The following PPP1R14C variants were observed in gnomAD, a reference collection of about 807,000 sequenced individuals.
PPP1R14C encodes the protein protein phosphatase 1 regulatory subunit 14C.
In PPP1R14C, 16 loss-of-function variants were observed where a neutral mutation model predicts 20.4. The observed-to-expected ratio is 0.78, with a 90% confidence interval of 0.53 to 1.19. The LOEUF (loss-of-function observed/expected upper bound fraction) is 1.19. Among genes scored for constraint, PPP1R14C ranks in the 50% most tolerant of loss-of-function variants. PPP1R14C has a pLI of 0.00. For synonymous variants in PPP1R14C, 91 were observed against 91.0 expected (o/e 1.00, Z 0.00); for missense variants, 211 against 220.1 (o/e 0.96, Z 0.26).
chr6:150,201,778 A>AG lies in PPP1R14C; in HGVS notation c.307-12960dup, dbSNP rs1161028619. ...TGCAAAAGATGATTTAGCTTTCACT[A>AG]GGGGGGCAGTGGAGGTGGTACAAAG... On this transcript the variant is annotated intron_variant, in intron 1 of 3. Transcript: ENST00000361131. This position sits in a 1 kb window ranked among gnomAD's most constrained non-coding sequence, Gnocchi z 4.2. 6.6e-6 allele frequency among the ~76,000 whole-genome samples: 1 copy of AG among 152,082 alleles called. No homozygotes were observed. Among genetic ancestry groups the AG allele is most frequent in the Non-Finnish European group, 1.5e-5 (1 of 68,004 alleles).
chr6:150,218,484 C>CA (rs1330651324), intron 3 of PPP1R14C, among the ~76,000 whole-genome samples: 58 of 118,468 alleles, frequency 4.9e-4, no homozygotes, highest in African/African-American at 1.0e-3. Context: ...ACCCCCCCCC[C>CA]CAAAAAAAAA....
intron 3 of PPP1R14C, among the ~76,000 whole-genome samples, chr6:150,220,538 T>G (rs577343667): frequency 3.3e-5 from 5 of 152,296 alleles, no homozygotes; most frequent in Non-Finnish European, 7.4e-5. Flanking sequence ...TGAATGAACA[T>G]GTAATATGGG....
chr6:150,247,478 G>A (rs536716644), intron 3 of PPP1R14C, among the ~76,000 whole-genome samples: 7 of 152,272 alleles, frequency 4.6e-5, no homozygotes, highest in African/African-American at 1.7e-4. Context: ...TCATTTTTCA[G>A]TCTTTAGGTT....
At chr6:150,187,877 A>G (rs1004806253) in intron 1 of PPP1R14C, among the ~76,000 whole-genome samples, 23 of 152,270 alleles carry the variant, frequency 1.5e-4, no homozygotes, top group African/African-American at 5.3e-4. Context: ...TTTATTTTTT[A>G]CATGCTTTAC....
At chr6:150,184,310 G>C (rs1328644449) in intron 1 of PPP1R14C, among the ~76,000 whole-genome samples, 2 of 152,156 alleles carry the variant, frequency 1.3e-5, no homozygotes, top group African/African-American at 4.8e-5. Context: ...TCCTAGGCGA[G>C]CCTAACTTCC....
At chr6:150,241,684 C>T (rs1300445790) in intron 3 of PPP1R14C, among the ~76,000 whole-genome samples, 4 of 152,096 alleles carry the variant, frequency 2.6e-5, no homozygotes, top group East Asian at 3.9e-4. Context: ...GCCAGGAGTT[C>T]GAGACCAGCC....
chr6:150,206,403 A>G (rs1777951102), intron 1 of PPP1R14C, among the ~76,000 whole-genome samples: 1 of 152,170 alleles, frequency 6.6e-6, no homozygotes, highest in Admixed American at 6.5e-5. Flanking sequence ...CCTGGCAGGT[A>G]GTAGGTGCTC....
At chr6:150,178,198 C>G (rs888263494) in intron 1 of PPP1R14C, among the ~76,000 whole-genome samples, 20 of 152,192 alleles carry the variant, frequency 1.3e-4, no homozygotes, top group African/African-American at 4.3e-4. Context: ...GCCACCTCAG[C>G]AGGGTTTACT....
chr6:150,175,794 A>C (rs2114874034), intron 1 of PPP1R14C, among the ~76,000 whole-genome samples: 1 of 152,344 alleles, frequency 6.6e-6, no homozygotes, highest in South Asian at 2.1e-4. Context: ...TTCTCAGCAG[A>C]ACCAGTTAAA....
In PPP1R14C at chr6:150,201,620, G is replaced by A. The variant is rs1157579052; in HGVS notation, c.307-13124G>A. Among the ~76,000 whole-genome samples the A allele has an allele frequency of 2.0e-5, 3 of 152,214 alleles. No homozygotes were observed. The highest frequency in any genetic ancestry group is 1.9e-4 in the East Asian group (1 of 5,196). On this transcript the variant is annotated intron_variant, in intron 1 of 3. Transcript: ENST00000361131. The surrounding 1 kb of genome is among the most constrained non-coding windows in gnomAD (Gnocchi z 4.2). ...TCCTAAGACTGGTAGGAAGCCACCC[G>A]TGAGTTCTAAGCTGGTGAATGACAG...
intron 1 of PPP1R14C, among the ~76,000 whole-genome samples, chr6:150,182,838 C>T (rs751229494): frequency 4.6e-5 from 7 of 152,164 alleles, no homozygotes; most frequent in African/African-American, 7.2e-5. Flanking sequence ...GAACTACACA[C>T]GCCTAGATGG....
intron 1 of PPP1R14C, among the ~76,000 whole-genome samples, chr6:150,208,720 C>T (rs1235820523): frequency 2.6e-5 from 4 of 152,102 alleles, no homozygotes; most frequent in African/African-American, 4.8e-5. Flanking sequence ...CTTCACTTGG[C>T]GTGAATGAGT....
At chr6:150,147,678 G>A (rs770653388) in intron 1 of PPP1R14C, among the ~76,000 whole-genome samples, 3 of 152,202 alleles carry the variant, frequency 2.0e-5, no homozygotes, top group East Asian at 3.8e-4. Flanking sequence ...TGCAATGCCC[G>A]TAGCATCCTA....
In PPP1R14C at chr6:150,249,249, T is replaced by C. The variant is rs2114938018; in HGVS notation, c.*429T>C. The C allele has an allele frequency of 5.0e-6, 2 of 399,856 alleles. No individual in the cohort carries two copies. The highest frequency in any genetic ancestry group is 3.6e-5 in the East Asian group (1 of 28,092). 24.8% of individuals were successfully genotyped at this position (399,856 alleles called of 1,614,324 possible). Reference sequence around the variant, plus strand: ...TCAGCTGTCAAATTTCTCACACTTGTATATATCTACACACAACTAAGTTAA... The same window carrying C: ...TCAGCTGTCAAATTTCTCACACTTGCATATATCTACACACAACTAAGTTAA... On this transcript the variant is annotated 3_prime_UTR_variant, in exon 4 of 4. Coordinates refer to ENST00000361131, the MANE Select transcript of PPP1R14C (RefSeq NM_030949.3).
At chr6:150,171,939 G>A (rs536331659) in intron 1 of PPP1R14C, among the ~76,000 whole-genome samples, 4 of 152,140 alleles carry the variant, frequency 2.6e-5, no homozygotes, top group African/African-American at 9.6e-5. Flanking sequence ...CTGAGTAGCT[G>A]GGATTACAGG....
chr6:150,226,128 C>G (rs1470306947), intron 3 of PPP1R14C, among the ~76,000 whole-genome samples: 2 of 151,922 alleles, frequency 1.3e-5, no homozygotes, highest in Non-Finnish European at 2.9e-5. Flanking sequence ...CTGACTGATT[C>G]ATATTCAGTC....
chr6:150,149,459 T>C (rs1464279613), intron 1 of PPP1R14C, among the ~76,000 whole-genome samples: 3 of 98,126 alleles, frequency 3.1e-5, no homozygotes, highest in Admixed American at 1.0e-4. Context: ...TTTTTTCTTT[T>C]TTTTTTTTTT....
intron 1 of PPP1R14C, among the ~76,000 whole-genome samples, chr6:150,181,051 CTGA>C (rs1777616479): frequency 6.6e-6 from 1 of 152,138 alleles, no homozygotes; most frequent in Non-Finnish European, 1.5e-5. Context: ...TGAGTGGTTA[CTGA>C]TGTCTTTTTT....
intron 3 of PPP1R14C, among the ~76,000 whole-genome samples, chr6:150,238,934 A>G (rs192562222): frequency 5.3e-5 from 8 of 152,296 alleles, no homozygotes; most frequent in Admixed American, 4.6e-4. Flanking sequence ...GAGGCCTTCA[A>G]TCAGGGTTTC....
Sources: allele counts gnomAD v4.1 joint callset (sites outside exome capture counted in the v4.1 genomes callset), GRCh38; gene constraint gnomAD v4.1.1; non-coding constraint Gnocchi (gnomAD v3.1); transcripts MANE v1.5; gene names NCBI Gene and HGNC (gene_info 2026-07-23, HGNC 2026-07-21).